Variants in VAV3 observed in about 807,000 individuals in gnomAD.
VAV3 encodes the protein guanine nucleotide exchange factor VAV3.
VAV3 carries 94 observed loss-of-function variants against 131.2 expected under a neutral mutation model. The ratio of observed to expected loss-of-function variants is 0.72; its 90% CI spans 0.61 to 0.85. The LOEUF (loss-of-function observed/expected upper bound fraction) is 0.85. Among genes scored for constraint, VAV3 ranks in the 40% least tolerant of loss-of-function variants. The pLI, the probability that VAV3 is intolerant of heterozygous loss-of-function variation, is 0.00. For missense variants in VAV3, 939 were observed against 1,002.7 expected, an observed-to-expected ratio of 0.94 and a Z score of 0.86; for synonymous variants, 349 against 342.0, an observed-to-expected ratio of 1.02 and a Z score of -0.22.
At chr1:107,951,808 A>T (rs879763499) in intron 1 of VAV3, among the ~76,000 whole-genome samples, 1 of 143,964 alleles carries the variant, frequency 6.9e-6, no homozygotes, top group Non-Finnish European at 1.5e-5. Context: ...ATTATCAAAA[A>T]GTCAAAAAAA....
intron 1 of VAV3, among the ~76,000 whole-genome samples, chr1:107,936,763 G>C (rs1329079768): frequency 4.6e-5 from 7 of 152,152 alleles, no homozygotes; most frequent in Non-Finnish European, 1.0e-4. Flanking sequence ...AGGACCATAA[G>C]GATGTCCTGA....
chr1:107,608,343 C>G (rs373772673), intron 22 of VAV3, among the ~76,000 whole-genome samples: 1 of 152,214 alleles, frequency 6.6e-6, no homozygotes, highest in East Asian at 1.9e-4. Context: ...AACTATAATG[C>G]CCAGTTACAT....
chr1:107,705,302 T>C (rs994754651), intron 15 of VAV3, among the ~76,000 whole-genome samples: 7 of 151,496 alleles, frequency 4.6e-5, no homozygotes, highest in African/African-American at 7.3e-5. Context: ...CTCCTCAGAA[T>C]TGAGCATTCT....
At chr1:107,690,629 T>C (rs1659367433) in intron 17 of VAV3, among the ~76,000 whole-genome samples, 1 of 152,170 alleles carries the variant, frequency 6.6e-6, no homozygotes, top group Non-Finnish European at 1.5e-5. Context: ...CTTCCTCTGG[T>C]GTCTCATCAA....
intron 2 of VAV3, among the ~76,000 whole-genome samples, chr1:107,832,046 C>T (rs896398340): frequency 3.3e-5 from 5 of 151,212 alleles, no homozygotes; most frequent in Admixed American, 6.6e-5. Flanking sequence ...TGAGCATGAG[C>T]TTGGAAGCAA....
At chr1:107,860,912 A>T (rs568955301) in intron 2 of VAV3, among the ~76,000 whole-genome samples, 1 of 151,746 alleles carries the variant, frequency 6.6e-6, no homozygotes, top group Non-Finnish European at 1.5e-5. Flanking sequence ...CAGAAACATA[A>T]CAATCTTCAA....
At chr1:107,928,807 G>A (rs1475165493) in intron 1 of VAV3, among the ~76,000 whole-genome samples, 1 of 152,076 alleles carries the variant, frequency 6.6e-6, no homozygotes, top group East Asian at 1.9e-4. Context: ...TTAAAGAGTA[G>A]GTAGAGAAAG....
intron 2 of VAV3, among the ~76,000 whole-genome samples, chr1:107,803,278 A>G (rs1666911034): frequency 6.6e-6 from 1 of 151,838 alleles, no homozygotes; most frequent in Non-Finnish European, 1.5e-5. Flanking sequence ...TTTTCAGAAA[A>G]CCAACTTTTC....
At chr1:107,765,587 T>C (rs1570920294) in intron 8 of VAV3, among the ~76,000 whole-genome samples, 1 of 152,216 alleles carries the variant, frequency 6.6e-6, no homozygotes, top group Non-Finnish European at 1.5e-5. Flanking sequence ...TCACTACATA[T>C]AACTCCTTCA....
chr1:107,893,340 C>T (rs1671403448), intron 1 of VAV3, among the ~76,000 whole-genome samples: 1 of 152,104 alleles, frequency 6.6e-6, no homozygotes, highest in South Asian at 2.1e-4. Flanking sequence ...CCATCTCCAA[C>T]TTTATAATAA....
At chr1:107,880,814 G>GGA in intron 1 of VAV3, among the ~76,000 whole-genome samples, 1 of 150,584 alleles carries the variant, frequency 6.6e-6, no homozygotes, top group East Asian at 2.0e-4. Flanking sequence ...AAAAAGAAAA[G>GGA]AAAAAAAGCA....
chr1:107,859,312 T>C (rs1003867142), intron 2 of VAV3, among the ~76,000 whole-genome samples: 2 of 152,098 alleles, frequency 1.3e-5, no homozygotes, highest in Non-Finnish European at 2.9e-5. Flanking sequence ...GCTCCAGTGA[T>C]TCTCCACCCT....
intron 19 of VAV3, among the ~76,000 whole-genome samples, chr1:107,658,843 A>T (rs1282715551): frequency 6.6e-6 from 1 of 151,918 alleles, no homozygotes; most frequent in African/African-American, 2.4e-5. Flanking sequence ...TAGATTCTGG[A>T]TATCACACCT....
intron 12 of VAV3, among the ~76,000 whole-genome samples, chr1:107,752,054 A>C (rs562158358): frequency 6.6e-6 from 1 of 152,236 alleles, no homozygotes; most frequent in Non-Finnish European, 1.5e-5. Context: ...AAAGGAACAA[A>C]GCTGGAAGTC....
At position 107,755,435 on chromosome 1, in the gene VAV3, C is replaced by G; in HGVS notation, c.1165G>C (p.Glu389Gln). 1.2e-6 allele frequency: 2 copies of G among 1,610,594 alleles called. No individual in the cohort carries two copies. Among genetic ancestry groups the G allele is most frequent in the Non-Finnish European group, 1.7e-6 (2 of 1,176,970 alleles). ...REIKQFQLSIENLNQPVLLFG... is the reference protein window; with the variant it reads ...REIKQFQLSIQNLNQPVLLFG... ...GAAAGATAATTACATACCAAATTCT[C>G]TATAGATAGCTGAAACTGTTTAATT... The change falls in exon 12 of 27, where the codon GAG becomes CAG. Residue 389 changes from glutamate to glutamine, a missense_variant. Physicochemically the swap from Glu to Gln is conservative, Grantham distance 29. Coordinates refer to ENST00000370056, the MANE Select transcript of VAV3 (RefSeq NM_006113.5).
chr1:107,772,583 T>C lies in VAV3; in HGVS notation c.555+152A>G, dbSNP rs997761484. 1.0e-5 allele frequency: 6 copies of C among 592,646 alleles called. No homozygotes were observed. The African/African-American group carries it at 1.1e-4, about 11-fold the overall frequency. The allele number at this position is 592,646 out of a possible 1,614,324, so 36.7% of individuals were successfully genotyped here. On this transcript the variant is annotated intron_variant, in intron 5 of 26. Coordinates refer to ENST00000370056, the MANE Select transcript of VAV3 (RefSeq NM_006113.5). ...TTTGAACTCTGAAAGGTCATGCATA[T>C]GTCTCCAAATGCAGTAACAAGTCAT...
At chr1:107,838,216 A>C (rs557316054) in intron 2 of VAV3, among the ~76,000 whole-genome samples, 90 of 152,298 alleles carry the variant, frequency 5.9e-4, no homozygotes, top group African/African-American at 2.0e-3. Context: ...TGCATCCGAC[A>C]AAGCTCTAAT....
intron 19 of VAV3, among the ~76,000 whole-genome samples, chr1:107,651,275 C>T (rs1232329884): frequency 1.3e-5 from 2 of 152,138 alleles, no homozygotes; most frequent in Non-Finnish European, 2.9e-5. Context: ...AAAACACCTA[C>T]CAACATTCCC....
intron 2 of VAV3, among the ~76,000 whole-genome samples, chr1:107,792,175 C>T (rs560561097): frequency 9.2e-5 from 14 of 152,330 alleles, no homozygotes; most frequent in East Asian, 1.9e-4. Flanking sequence ...AGCATCTAAA[C>T]TCATCTGTTA....
Sources: allele counts gnomAD v4.1 joint callset (sites outside exome capture counted in the v4.1 genomes callset), GRCh38; gene constraint gnomAD v4.1.1; transcripts MANE v1.5; gene names NCBI Gene and HGNC (gene_info 2026-07-23, HGNC 2026-07-21).